ENDOD1: variants seen among roughly 807,000 people sequenced by gnomAD.
ENDOD1 encodes endonuclease domain containing 1.
A neutral mutation model predicts 6.5 loss-of-function variants in ENDOD1; 9 were observed. The observed-to-expected ratio is 1.39, with a 90% confidence interval of 0.84 to 2.43. The LOEUF (loss-of-function observed/expected upper bound fraction) is 2.43, where lower values mean the gene tolerates loss of function less well. Among genes scored for constraint, ENDOD1 ranks in the 30% most tolerant of loss-of-function variants. ENDOD1 has a pLI of 0.00. For missense variants in ENDOD1, 648 were observed against 635.5 expected, an observed-to-expected ratio of 1.02 and a Z score of -0.21; for synonymous variants, 255 against 255.2, an observed-to-expected ratio of 1.00 and a Z score of 0.01.
chr11:95,106,652 T>A (rs1428417680), intron 1 of ENDOD1, among the ~76,000 whole-genome samples: 1 of 152,154 alleles, frequency 6.6e-6, no homozygotes, highest in African/African-American at 2.4e-5. Context: ...ATCTAATAGG[T>A]GGAGGATCCA....
chr11:95,094,660 C>T (rs1435456309), intron 1 of ENDOD1, among the ~76,000 whole-genome samples: 1 of 152,240 alleles, frequency 6.6e-6, no homozygotes, highest in Non-Finnish European at 1.5e-5. Context: ...CCATCCATGG[C>T]TTATACAACC....
At chr11:95,116,185 C>T (rs1270653124) in intron 1 of ENDOD1, among the ~76,000 whole-genome samples, 1 of 152,078 alleles carries the variant, frequency 6.6e-6, no homozygotes, top group Non-Finnish European at 1.5e-5. Flanking sequence ...TTGGTCTGTT[C>T]AGGTTTTGGA....
chr11:95,124,747 G>A (rs546492820), intron 1 of ENDOD1, among the ~76,000 whole-genome samples: 1 of 152,296 alleles, frequency 6.6e-6, no homozygotes, highest in East Asian at 1.9e-4. Flanking sequence ...CTGGTTGTCA[G>A]GTGCAAGGCC....
rs554931223 is a variant in ENDOD1 at position 95,101,345 on chromosome 11, A to T, written c.300+11118A>T. Among the ~76,000 whole-genome samples, 288 of 152,314 alleles carry T rather than the reference A, an allele frequency of 1.9e-3. 1 individual carries two copies. The highest frequency in any genetic ancestry group is 3.5e-3 in the South Asian group (17 of 4,822). ...CCAGCACTTAGTTTGTGATCAAAAA[A>T]ATGTTGTTGAACAGTGAGCACTTGG... On this transcript the variant is annotated intron_variant, in intron 1 of 1. Transcript: ENST00000278505.
intron 1 of ENDOD1, among the ~76,000 whole-genome samples, chr11:95,111,574 A>T (rs1295038715): frequency 6.6e-6 from 1 of 151,952 alleles, no homozygotes; most frequent in Non-Finnish European, 1.5e-5. Context: ...TTAGATTCTC[A>T]TAACGAGCAC....
At chr11:95,092,206 T>C (rs190831943) in intron 1 of ENDOD1, among the ~76,000 whole-genome samples, 1 of 151,996 alleles carries the variant, frequency 6.6e-6, no homozygotes, top group East Asian at 1.9e-4. Context: ...CATGGCAGAT[T>C]CAGGGATTTG....
rs899966921 is a variant in ENDOD1, at chr11:95,132,045, G to T, written c.*2466G>T. ...CAGCAGGTGGCTGGACTGCTGGCCT[G>T]TTCCTAATGAGCTACGCTGGGCTTT... On this transcript the variant is annotated 3_prime_UTR_variant, in exon 2 of 2. Coordinates refer to ENST00000278505, the MANE Select transcript of ENDOD1 (RefSeq NM_015036.3). 3 of 152,692 alleles carry T rather than the reference G, an allele frequency of 2.0e-5. No individual in the cohort carries two copies. Among genetic ancestry groups the T allele is most frequent in the Admixed American group, 6.5e-5 (1 of 15,284 alleles). The allele number at this position is 152,692 out of a possible 1,614,324, so 9.5% of individuals were successfully genotyped here.
intron 1 of ENDOD1, among the ~76,000 whole-genome samples, chr11:95,105,375 T>C (rs144083808): frequency 3.9e-5 from 6 of 152,342 alleles, no homozygotes; most frequent in African/African-American, 1.4e-4. Flanking sequence ...CCTGGTACAA[T>C]GTAAATGCTG....
At chr11:95,093,095 C>A (rs1030718083) in intron 1 of ENDOD1, among the ~76,000 whole-genome samples, 1 of 152,314 alleles carries the variant, frequency 6.6e-6, no homozygotes, top group Middle Eastern at 3.4e-3. Flanking sequence ...AGTCAAAGAT[C>A]ACAGAAACTT....
Position 95,096,227 on chromosome 11 carries a change from C to CTTTTTTTTTTTTTTTTTTT in ENDOD1, c.300+6007_300+6025dup, listed in dbSNP as rs10660230. ...CTAGAATTACTGTTAGTCAAGAAAG[C>CTTTTTTTTTTTTTTTTTTT]TTTTTTTTTTTTTTTTTTTTTTTTT... On this transcript the variant is annotated intron_variant, in intron 1 of 1. Coordinates refer to ENST00000278505, the MANE Select transcript of ENDOD1 (RefSeq NM_015036.3). 2.8e-4 allele frequency among the ~76,000 whole-genome samples: 14 copies of CTTTTTTTTTTTTTTTTTTT among 49,964 alleles called. 4 individuals are homozygous for CTTTTTTTTTTTTTTTTTTT. The highest frequency in any genetic ancestry group is 4.0e-4 in the Non-Finnish European group (12 of 30,062). The allele number at this position is 49,964 out of a possible 152,430, so 32.8% of individuals were successfully genotyped here.
rs1859340466 is a variant in ENDOD1, at chr11:95,128,932, G to T, written c.856G>T (p.Val286Phe). The change falls in exon 2 of 2, where the codon GTT becomes TTT. Residue 286 changes from valine (V) to phenylalanine (F), a missense_variant. Transcript: ENST00000278505. ...GAAAATGAAAAAAATCCTGGAAGTGGTTAACCAAATCCAGGATGAAGAACG... is the reference window on the plus strand; with the variant it reads ...GAAAATGAAAAAAATCCTGGAAGTGTTTAACCAAATCCAGGATGAAGAACG... ...TEKMKKILEV[V>F]NQIQDEERMV... is the part of the protein sequence containing the mutation. 6.2e-7 allele frequency: 1 copy of T among 1,614,068 alleles called. No individual in the cohort carries two copies. The highest frequency in any genetic ancestry group is 8.5e-7 in the Non-Finnish European group (1 of 1,180,014).
intron 1 of ENDOD1, among the ~76,000 whole-genome samples, chr11:95,103,262 T>C (rs1591012109): frequency 6.6e-6 from 1 of 152,186 alleles, no homozygotes; most frequent in Non-Finnish European, 1.5e-5. Context: ...GAAGTAGGCA[T>C]GGAATTACAA....
chr11:95,128,958 A>G lies in ENDOD1; in HGVS notation c.882A>G (p.Arg294=), dbSNP rs777500422. 4 of 1,613,932 alleles carry G rather than the reference A, an allele frequency of 2.5e-6. No individual in the cohort carries two copies. In the African/African-American group the frequency reaches 5.3e-5, roughly 22 times the overall value. Residue 294 remains arginine, a synonymous_variant, in exon 2 of 2, where the codon CGA becomes CGG. Coordinates refer to ENST00000278505, the MANE Select transcript of ENDOD1 (RefSeq NM_015036.3). ...EVVNQIQDEE[R]MVQSQKSSSP... ...TTAACCAAATCCAGGATGAAGAACG[A>G]ATGGTACAATCTCAAAAGAGTTCTA...
chr11:95,120,303 G>A (rs945194627), intron 1 of ENDOD1, among the ~76,000 whole-genome samples: 8 of 152,072 alleles, frequency 5.3e-5, no homozygotes, highest in African/African-American at 1.2e-4. Flanking sequence ...TCTCAGAGTC[G>A]CATCTAAGGC....
chr11:95,098,333 A>G (rs1318087622), intron 1 of ENDOD1, among the ~76,000 whole-genome samples: 1 of 152,214 alleles, frequency 6.6e-6, no homozygotes, highest in Non-Finnish European at 1.5e-5. Context: ...AGTAGATTTC[A>G]TATTAAGTTT....
chr11:95,121,372 C>T (rs1859260622), intron 1 of ENDOD1, among the ~76,000 whole-genome samples: 1 of 152,134 alleles, frequency 6.6e-6, no homozygotes, highest in African/African-American at 2.4e-5. Flanking sequence ...GTATAGTTAG[C>T]TCAGCCCCTT....
intron 1 of ENDOD1, among the ~76,000 whole-genome samples, chr11:95,113,754 G>A (rs1859173279): frequency 6.6e-6 from 1 of 151,980 alleles, no homozygotes; most frequent in Non-Finnish European, 1.5e-5. Flanking sequence ...CTTTCTTTGG[G>A]GTATATACTC....
chr11:95,128,593 C>A lies in ENDOD1; in HGVS notation c.517C>A (p.Arg173=), dbSNP rs200694967. ...CCCAATGACTCAGTCCTTCCAGGAA[C>A]GGTGGTATGTGAATCTCCACAGCCT... ...SAPMTQSFQE[R]WYVNLHSLMD... is the part of the protein sequence containing the mutation. Residue 173 remains arginine (R), a synonymous_variant, in exon 2 of 2, where the codon CGG becomes AGG. Transcript: ENST00000278505. The A allele has an allele frequency of 6.2e-7, 1 of 1,614,102 alleles. No individual in the cohort carries two copies. Among genetic ancestry groups the A allele is most frequent in the African/African-American group, 1.3e-5 (1 of 74,928 alleles).
At chr11:95,125,579 G>A (rs1322840216) in intron 1 of ENDOD1, among the ~76,000 whole-genome samples, 1 of 151,614 alleles carries the variant, frequency 6.6e-6, no homozygotes, top group African/African-American at 2.4e-5. Context: ...ATCTCCTAAT[G>A]CTATCCCTCC....
Sources: allele counts gnomAD v4.1 joint callset (sites outside exome capture counted in the v4.1 genomes callset), GRCh38; gene constraint gnomAD v4.1.1; transcripts MANE v1.5; gene names NCBI Gene and HGNC (gene_info 2026-07-23, HGNC 2026-07-21).